ATRNL1: variants seen among roughly 807,000 people sequenced by gnomAD.
ATRNL1 encodes the protein attractin like 1.
In ATRNL1, 95 loss-of-function variants were observed where a neutral mutation model predicts 182.7. The ratio of observed to expected loss-of-function variants is 0.52; its 90% CI spans 0.44 to 0.62. ATRNL1 has a LOEUF of 0.62. Among genes scored for constraint, ATRNL1 ranks in the 20% least tolerant of loss-of-function variants. The pLI, the probability that ATRNL1 is intolerant of heterozygous loss-of-function variation, is 0.00. For synonymous variants in ATRNL1, 576 were observed against 568.3 expected, an observed-to-expected ratio of 1.01 and a Z score of -0.19; for missense variants, 1,471 against 1,679.5, an observed-to-expected ratio of 0.88 and a Z score of 2.17.
intron 15 of ATRNL1, among the ~76,000 whole-genome samples, chr10:115,296,186 A>G (rs78363742): frequency 1.3e-4 from 20 of 152,220 alleles, no homozygotes; most frequent in African/African-American, 4.6e-4. Flanking sequence ...ACACGAAGTC[A>G]CTGCTGATCC....
chr10:115,199,679 C>T (rs749746503), intron 8 of ATRNL1, among the ~76,000 whole-genome samples: 1 of 152,038 alleles, frequency 6.6e-6, no homozygotes, highest in African/African-American at 2.4e-5. Context: ...TGAATAGCAA[C>T]GGAGTTGTGG....
At chr10:115,834,622 A>G (rs2134320342) in intron 27 of ATRNL1, among the ~76,000 whole-genome samples, 1 of 152,312 alleles carries the variant, frequency 6.6e-6, no homozygotes, top group African/African-American at 2.4e-5. Flanking sequence ...GAGATTGCCA[A>G]CAGACAGGCA....
chr10:115,946,711 T>C lies in ATRNL1; in HGVS notation c.*1932T>C, dbSNP rs1555125877. 6.6e-6 allele frequency: 1 copy of C among 152,160 alleles called. No individual in the cohort carries two copies. Among genetic ancestry groups the C allele is most frequent in the Non-Finnish European group, 1.5e-5 (1 of 68,026 alleles). The allele number at this position is 152,160 out of a possible 1,614,324, so 9.4% of individuals were successfully genotyped here. ...ATATCTCCTAAAAACAATCAAGTAA[T>C]TTTATTAGCTTCTTTTGGACCCTCT... On this transcript the variant is annotated 3_prime_UTR_variant, in exon 29 of 29. Coordinates refer to ENST00000355044, the MANE Select transcript of ATRNL1 (RefSeq NM_207303.4).
chr10:115,644,954 A>C (rs1298285162), intron 26 of ATRNL1, among the ~76,000 whole-genome samples: 1 of 152,122 alleles, frequency 6.6e-6, no homozygotes. Flanking sequence ...AAATAGTTAC[A>C]TTCCTGAACC....
chr10:115,212,536 T>C (rs1849071293), intron 8 of ATRNL1, among the ~76,000 whole-genome samples: 1 of 151,998 alleles, frequency 6.6e-6, no homozygotes, highest in East Asian at 1.9e-4. Context: ...TATTCTATTA[T>C]AAAGACACAT....
chr10:115,276,026 G>C (rs937496993), intron 13 of ATRNL1, among the ~76,000 whole-genome samples: 1 of 151,938 alleles, frequency 6.6e-6, no homozygotes, highest in African/African-American at 2.4e-5. Context: ...TTTATGTTTC[G>C]TCTATCATTT....
intron 20 of ATRNL1, among the ~76,000 whole-genome samples, chr10:115,395,709 C>A (rs1554955358): frequency 6.6e-6 from 1 of 151,668 alleles, no homozygotes. Flanking sequence ...CCTCTCTGTA[C>A]TTTCATGAAT....
At chr10:115,183,721 T>C (rs1191250881) in intron 8 of ATRNL1, among the ~76,000 whole-genome samples, 1 of 151,532 alleles carries the variant, frequency 6.6e-6, no homozygotes, top group Non-Finnish European at 1.5e-5. Flanking sequence ...AGAGTAAATT[T>C]AGCAAAATCT....
At chr10:115,574,469 G>A (rs1555004496) in intron 26 of ATRNL1, among the ~76,000 whole-genome samples, 1 of 151,726 alleles carries the variant, frequency 6.6e-6, no homozygotes, top group African/African-American at 2.4e-5. Flanking sequence ...TTGTTTTTAG[G>A]AACTTATATC....
chr10:115,650,457 AATT>A (rs1555034036), intron 26 of ATRNL1, among the ~76,000 whole-genome samples: 1 of 152,084 alleles, frequency 6.6e-6, no homozygotes, highest in Non-Finnish European at 1.5e-5. Context: ...GCACTAATAT[AATT>A]ATTAATGATT....
At chr10:115,368,709 C>T (rs138449954) in intron 19 of ATRNL1, among the ~76,000 whole-genome samples, 207 of 150,032 alleles carry the variant, frequency 1.4e-3, no homozygotes, top group Non-Finnish European at 2.3e-3. Context: ...TTTGTATATT[C>T]GATTCTATTT....
chr10:115,636,089 A>C (rs1182794601), intron 26 of ATRNL1, among the ~76,000 whole-genome samples: 2 of 152,214 alleles, frequency 1.3e-5, no homozygotes, highest in Middle Eastern at 3.4e-3. Context: ...GATATGTTCA[A>C]TTTTCGAAAA....
chr10:115,574,462 T>A (rs11197304), intron 26 of ATRNL1, among the ~76,000 whole-genome samples: 1,660 of 152,140 alleles, frequency 0.011, 29 homozygotes, highest in African/African-American at 0.038. Flanking sequence ...ACTTCACTTG[T>A]TTTTAGGAAC....
intron 15 of ATRNL1, among the ~76,000 whole-genome samples, chr10:115,292,661 AT>A (rs1171330003): frequency 6.6e-6 from 1 of 151,872 alleles, no homozygotes; most frequent in Non-Finnish European, 1.5e-5. Flanking sequence ...ATTTATTCAC[AT>A]TGTTTTGAAT....
At chr10:115,696,659 C>A (rs1371708898) in intron 26 of ATRNL1, among the ~76,000 whole-genome samples, 1 of 152,102 alleles carries the variant, frequency 6.6e-6, no homozygotes, top group Non-Finnish European at 1.5e-5. Context: ...TTGTCCACAA[C>A]CTTGCTAGCA....
At chr10:115,869,689 G>T (rs184278206) in intron 28 of ATRNL1, among the ~76,000 whole-genome samples, 2 of 152,046 alleles carry the variant, frequency 1.3e-5, no homozygotes, top group Admixed American at 1.3e-4. Context: ...TTAGGAAACA[G>T]AAACAAAAAT....
At chr10:115,140,729 G>T (rs1223957776) in intron 5 of ATRNL1, among the ~76,000 whole-genome samples, 1 of 152,060 alleles carries the variant, frequency 6.6e-6, no homozygotes, top group African/African-American at 2.4e-5. Flanking sequence ...TTCAGCTACA[G>T]TTCTCATATA....
intron 26 of ATRNL1, among the ~76,000 whole-genome samples, chr10:115,710,977 T>C (rs1947046067): frequency 6.6e-6 from 1 of 152,134 alleles, no homozygotes; most frequent in South Asian, 2.1e-4. Context: ...ATGGCATTTA[T>C]GAATATCTGG....
chr10:115,267,031 TGTGGCA>T (rs1429637615), intron 12 of ATRNL1, 26 bp downstream of exon 12: 1 of 1,497,982 alleles, frequency 6.7e-7, no homozygotes, highest in Non-Finnish European at 9.2e-7. Context: ...TTTTCGTCTT[TGTGGCA>T]GCAAAATTTC....
Sources: gnomAD v4.1 joint callset for allele counts (sites outside exome capture counted in the v4.1 genomes callset) on GRCh38, gnomAD v4.1.1 for gene constraint, MANE v1.5 for transcripts, NCBI Gene and HGNC (gene_info 2026-07-23, HGNC 2026-07-21) for gene names.